Variants in PPP1R3A observed in about 807,000 individuals in gnomAD.
The protein encoded by PPP1R3A is RG1.
In PPP1R3A, 29 loss-of-function variants were observed where a neutral mutation model predicts 41.7. That is an observed-to-expected ratio of 0.70 (90% CI 0.52 to 0.95). The LOEUF is 0.95. Ranked by LOEUF, PPP1R3A falls within the 40% of genes least tolerant of loss-of-function variation. The pLI is 0.00. For missense variants in PPP1R3A, 1,352 were observed against 1,292.4 expected (o/e 1.05, Z -0.71); for synonymous variants, 485 against 453.4 (o/e 1.07, Z -0.89).
At chr7:113,911,765 G>A (rs1797255718) in intron 1 of PPP1R3A, among the ~76,000 whole-genome samples, 1 of 152,002 alleles carries the variant, frequency 6.6e-6, no homozygotes, top group African/African-American at 2.4e-5. Context: ...GAAACTATTT[G>A]TTTTAGCCTG....
chr7:113,890,303 A>C (rs896913462), intron 1 of PPP1R3A, among the ~76,000 whole-genome samples: 1 of 152,120 alleles, frequency 6.6e-6, no homozygotes, highest in Non-Finnish European at 1.5e-5. Flanking sequence ...GATCTACTGC[A>C]TCAGCATCTC....
At chr7:113,888,994 T>C (rs1330901689) in intron 1 of PPP1R3A, among the ~76,000 whole-genome samples, 1 of 152,206 alleles carries the variant, frequency 6.6e-6, no homozygotes, top group African/African-American at 2.4e-5. Flanking sequence ...GTTCCCAGAA[T>C]TGCCTTTCAT....
intron 1 of PPP1R3A, among the ~76,000 whole-genome samples, chr7:113,901,627 T>C (rs1374564668): frequency 6.6e-6 from 1 of 151,814 alleles, no homozygotes; most frequent in African/African-American, 2.4e-5. Flanking sequence ...TTCTTAACCC[T>C]CCTTGCCAAC....
chr7:113,889,030 A>G (rs769736823), intron 1 of PPP1R3A, among the ~76,000 whole-genome samples: 1 of 152,200 alleles, frequency 6.6e-6, no homozygotes, highest in Non-Finnish European at 1.5e-5. Context: ...CCCTACCTCT[A>G]TAAAATCTAA....
At chr7:113,892,513 A>T (rs1448009548) in intron 1 of PPP1R3A, among the ~76,000 whole-genome samples, 1 of 152,106 alleles carries the variant, frequency 6.6e-6, no homozygotes, top group Non-Finnish European at 1.5e-5. Context: ...ATAATACATT[A>T]GCCAACTACT....
intron 1 of PPP1R3A, among the ~76,000 whole-genome samples, chr7:113,887,982 T>G (rs1796814804): frequency 6.6e-6 from 1 of 151,836 alleles, no homozygotes; most frequent in Non-Finnish European, 1.5e-5. Flanking sequence ...GAGCAGAGAT[T>G]GTGCCATTGC....
chr7:113,894,263 A>G (rs1796942642), intron 1 of PPP1R3A, among the ~76,000 whole-genome samples: 2 of 151,994 alleles, frequency 1.3e-5, no homozygotes, highest in Admixed American at 1.3e-4. Context: ...GCTGAAGAAG[A>G]CTTACAGATA....
intron 1 of PPP1R3A, among the ~76,000 whole-genome samples, chr7:113,888,221 G>A (rs1299833167): frequency 1.3e-5 from 2 of 151,994 alleles, no homozygotes; most frequent in African/African-American, 4.8e-5. Context: ...GTGGCATGGG[G>A]TTTAGGGCTA....
chr7:113,880,371 C>A (rs930230099), intron 3 of PPP1R3A, among the ~76,000 whole-genome samples: 1 of 151,964 alleles, frequency 6.6e-6, no homozygotes, highest in African/African-American at 2.4e-5. Context: ...CAGCTTCCAA[C>A]TATCACATTG....
At chr7:113,905,012 T>C (rs567671499) in intron 1 of PPP1R3A, among the ~76,000 whole-genome samples, 2 of 151,754 alleles carry the variant, frequency 1.3e-5, no homozygotes, top group African/African-American at 2.4e-5. Context: ...CACCATGTAT[T>C]ACCTATCTCC....
At chr7:113,891,967 A>T (rs963380678) in intron 1 of PPP1R3A, among the ~76,000 whole-genome samples, 9 of 152,046 alleles carry the variant, frequency 5.9e-5, no homozygotes, top group Admixed American at 5.3e-4. Context: ...GAGGAATGAA[A>T]ATGTTGGCAT....
chr7:113,905,895 T>A (rs1302000171), intron 1 of PPP1R3A, among the ~76,000 whole-genome samples: 1 of 151,830 alleles, frequency 6.6e-6, no homozygotes, highest in Non-Finnish European at 1.5e-5. Context: ...TGGTCTTTTG[T>A]TATTCAGCCT....
chr7:113,909,706 T>C (rs1180148160), intron 1 of PPP1R3A, among the ~76,000 whole-genome samples: 1 of 152,100 alleles, frequency 6.6e-6, no homozygotes, highest in African/African-American at 2.4e-5. Context: ...TTATTTGACA[T>C]GGAAAATAGA....
At position 113,918,306 on chromosome 7, in the gene PPP1R3A, A is replaced by G; in HGVS notation, c.691T>C (p.Cys231Arg). ...TCCGGCTCTTGTTCTTTCTTTTGAC[A>G]AATGAATGTATAATTTGTGCCATTA... is the stretch of plus-strand genomic sequence containing the variant. ...NNNGTNYTFI[C>R]QKKEQEPEPV... Residue 231 changes from cysteine (C) to arginine (R), a missense_variant, in exon 1 of 4, where the codon TGT becomes CGT. Coordinates refer to ENST00000284601, the MANE Select transcript of PPP1R3A (RefSeq NM_002711.4). 1.2e-6 allele frequency: 2 copies of G among 1,612,788 alleles called. No individual in the cohort carries two copies. Among genetic ancestry groups the G allele is most frequent in the Non-Finnish European group, 1.7e-6 (2 of 1,179,258 alleles).
intron 1 of PPP1R3A, among the ~76,000 whole-genome samples, chr7:113,896,017 T>C (rs767536531): frequency 2.0e-5 from 3 of 151,888 alleles, no homozygotes; most frequent in Non-Finnish European, 4.4e-5. Flanking sequence ...TTGATGAGCG[T>C]ATAAGAGAGT....
At chr7:113,891,649 T>C (rs1411863637) in intron 1 of PPP1R3A, among the ~76,000 whole-genome samples, 1 of 152,054 alleles carries the variant, frequency 6.6e-6, no homozygotes, top group Non-Finnish European at 1.5e-5. Context: ...CCAATTGATT[T>C]ATTCAGTGCC....
At chr7:113,909,810 C>T (rs1433548243) in intron 1 of PPP1R3A, among the ~76,000 whole-genome samples, 1 of 151,988 alleles carries the variant, frequency 6.6e-6, no homozygotes, top group East Asian at 1.9e-4. Context: ...AAATAAATGA[C>T]TAAAGACAGA....
At position 113,877,949 on chromosome 7, in the gene PPP1R3A, C is replaced by G; in HGVS notation, c.3143G>C (p.Ser1048Thr). The G allele has an allele frequency of 6.2e-7, 1 of 1,613,410 alleles. No individual in the cohort carries two copies. Among genetic ancestry groups the G allele is most frequent in the Non-Finnish European group, 8.5e-7 (1 of 1,179,628 alleles). ...AACAGGAAGACTAGTAGAAGCAGAG[C>G]TGTCAGATTCCTTTTCACCTGAAGT... Reference protein sequence around the residue: ...LYTSGEKESDSSASTSLPVEE... With the variant: ...LYTSGEKESDTSASTSLPVEE... Residue 1048 changes from serine (S) to threonine (T), a missense_variant, in exon 4 of 4, where the codon AGC (serine) becomes ACC (threonine). Coordinates refer to ENST00000284601, the MANE Select transcript of PPP1R3A (RefSeq NM_002711.4).
In PPP1R3A at chr7:113,878,307, C is replaced by T. The variant is rs1357382709; in HGVS notation, c.2785G>A (p.Glu929Lys). The T allele has an allele frequency of 3.7e-6, 6 of 1,613,002 alleles. No individual in the cohort carries two copies. In the Admixed American group the frequency reaches 5.0e-5, roughly 13 times the overall value. The part of the protein sequence containing the change: ...HHTEISVSTN[E>K]QAIAVENAVT... ...GCATTCTCTACAGCAATTGCCTGCT[C>T]ATTAGTTGACACTGAAATTTCAGTA... Residue 929 changes from glutamate to lysine, a missense_variant, in exon 4 of 4, where the codon GAG becomes AAG. Physicochemically the swap from Glu to Lys is moderately conservative, Grantham distance 56. Transcript: ENST00000284601.
Sources: allele counts gnomAD v4.1 joint callset (sites outside exome capture counted in the v4.1 genomes callset), GRCh38; gene constraint gnomAD v4.1.1; transcripts MANE v1.5; gene names NCBI Gene and HGNC (gene_info 2026-07-23, HGNC 2026-07-21).